The following GPS1 variants were observed in gnomAD, a reference collection of about 807,000 sequenced individuals.
GPS1 encodes the protein COP9 signalosome complex subunit 1.
In GPS1, 11 loss-of-function variants were observed where a neutral mutation model predicts 60.0. The ratio of observed to expected loss-of-function variants is 0.18; its 90% CI spans 0.12 to 0.30. GPS1 has a LOEUF of 0.30. Ranked by LOEUF, GPS1 falls within the 10% of genes least tolerant of loss-of-function variation. The pLI is 1.00. For missense variants in GPS1, 543 were observed against 669.2 expected (o/e 0.81, Z 2.08); for synonymous variants, 343 against 269.8 (o/e 1.27, Z -2.66).
In GPS1 at chr17:82,056,268, AG is replaced by A; in HGVS notation, c.930-14del. On this transcript the variant is annotated splice_polypyrimidine_tract_variant and intron_variant, in intron 8 of 12. Transcript: ENST00000578552. ...GGGGCAGGCAGAGGACAGAGTTCTG[AG>A]GGGTCTGCCTCACCAGCTCCTTCAA... 6.5e-7 allele frequency: 1 copy of A among 1,545,904 alleles called. No homozygotes were observed. Among genetic ancestry groups the A allele is most frequent in the Non-Finnish European group, 8.9e-7 (1 of 1,118,994 alleles).
intron 2 of GPS1, 102 bp downstream of exon 2, chr17:82,053,468 C>T (rs909403815): frequency 1.1e-5 from 9 of 840,344 alleles, no homozygotes; most frequent in Admixed American, 3.9e-5. Context: ...TGATCCTCCT[C>T]AGTGATCGCT....
At chr17:82,051,127 G>T, upstream of GPS1, 1 of 1,327,846 alleles carries the variant, frequency 7.5e-7, no homozygotes, top group South Asian at 2.3e-5. This position sits in a 1 kb window ranked among gnomAD's most constrained non-coding sequence, Gnocchi z 4.1. Context: ...TTGGCTGGCA[G>T]GGTGGGCCCT....
Position 82,054,065 on chromosome 17 carries a change from T to G in GPS1, c.308+16T>G. 6.3e-7 allele frequency: 1 copy of G among 1,597,368 alleles called. No individual in the cohort carries two copies. On this transcript the variant is annotated intron_variant, in intron 3 of 12. Coordinates refer to ENST00000578552, the MANE Select transcript of GPS1 (RefSeq NM_001321092.3). ...AGGCCACCAGGTGAGGCCAGGGGCT[T>G]GGCGAGAGGAAGCAGAGGCCACCAA... is the stretch of plus-strand genomic sequence containing the variant.
rs549707566 is a variant in GPS1 at position 82,052,097 on chromosome 17, G to A, written c.33+133G>A. ...CACGCTCCGTGCCGGGCCTCCGCGG[G>A]CAGCGCGCGTCGGGGGCTGCAGGGC... On this transcript the variant is annotated intron_variant, in intron 1 of 12. Transcript: ENST00000578552. 2.9e-4 allele frequency: 245 copies of A among 847,006 alleles called. 1 individual carries two copies. The African/African-American group carries it at 3.9e-3, about 14-fold the overall frequency. 52.5% of individuals were successfully genotyped at this position (847,006 alleles called of 1,614,324 possible). A position where few individuals can be genotyped will look rare whatever the true frequency, so the allele number is the denominator to read the frequency against.
Position 82,057,206 on chromosome 17 carries a change from T to C in GPS1, c.*79T>C. ...CTCGGACCTCCAGGCGGCTCAGTGC[T>C]GCCTGCGGCCCAGCTAAGGGGCCTG... On this transcript the variant is annotated 3_prime_UTR_variant, in exon 13 of 13. Transcript: ENST00000578552. 1 of 1,549,708 alleles carries C rather than the reference T, an allele frequency of 6.5e-7. No homozygotes were observed. Among genetic ancestry groups the C allele is most frequent in the Non-Finnish European group, 8.9e-7 (1 of 1,128,784 alleles).
chr17:82,054,069 G>T lies in GPS1; in HGVS notation c.308+20G>T, dbSNP rs377190570. The T allele has an allele frequency of 1.3e-6, 2 of 1,593,828 alleles. No homozygotes were observed. The highest frequency in any genetic ancestry group is 8.6e-7 in the Non-Finnish European group (1 of 1,168,354). Reference sequence around the variant, plus strand: ...CACCAGGTGAGGCCAGGGGCTTGGCGAGAGGAAGCAGAGGCCACCAAGGGA... The same window carrying T: ...CACCAGGTGAGGCCAGGGGCTTGGCTAGAGGAAGCAGAGGCCACCAAGGGA... On this transcript the variant is annotated intron_variant, in intron 3 of 12. Transcript: ENST00000578552.
chr17:82,052,700 A>G (rs1289058726), intron 1 of GPS1: 2 of 553,500 alleles, frequency 3.6e-6, no homozygotes, highest in African/African-American at 1.9e-5. Context: ...CGGCTTTTCC[A>G]GCCTGCTTTG....
chr17:82,051,296 C>T (rs905084494), upstream of GPS1: 1 of 1,414,432 alleles, frequency 7.1e-7, no homozygotes, highest in Non-Finnish European at 9.2e-7. This position sits in a 1 kb window ranked among gnomAD's most constrained non-coding sequence, Gnocchi z 4.1. Context: ...ACACTCACCG[C>T]CCTGGAGCTC....
At chr17:82,053,794 C>T in intron 2 of GPS1, 74 bp from the exon 3 acceptor site, 1 of 1,446,012 alleles carries the variant, frequency 6.9e-7, no homozygotes, top group Non-Finnish European at 9.4e-7. Flanking sequence ...CAGGCCCCAA[C>T]TCCTGACCCT....
In GPS1 at chr17:82,055,230, C is replaced by T. The variant is rs1264393474; in HGVS notation, c.748+8C>T. 2 of 1,551,894 alleles carry T rather than the reference C, an allele frequency of 1.3e-6. No individual in the cohort carries two copies. The highest frequency in any genetic ancestry group is 1.2e-5 in the South Asian group (1 of 84,182). ...AGCTCAAGTGTGCCGCAGGTGAGGG[C>T]CTGGGTCACGCCCAGCTGACCCCAC... On this transcript the variant is annotated splice_region_variant and intron_variant, in intron 6 of 12. Coordinates refer to ENST00000578552, the MANE Select transcript of GPS1 (RefSeq NM_001321092.3).
chr17:82,052,544 C>T, intron 1 of GPS1: 1 of 1,483,350 alleles, frequency 6.7e-7, no homozygotes, highest in Non-Finnish European at 9.1e-7. Flanking sequence ...CCCTGCTGCT[C>T]TGCTGGCCGA....
intron 8 of GPS1, 26 bp downstream of exon 8, chr17:82,056,121 G>A: frequency 6.4e-7 from 1 of 1,571,478 alleles, no homozygotes; most frequent in Non-Finnish European, 8.7e-7. Flanking sequence ...CTGCAGCCCT[G>A]AAGGCTGTCC....
At position 82,052,140 on chromosome 17, in the gene GPS1, C is replaced by T. The variant is rs558553707; in HGVS notation, c.33+176C>T. ...TGCAGGGCCGAGGGCGCGTCTCCGC[C>T]GTGGCTGCGCGCTGCGATCGGGGGC... On this transcript the variant is annotated intron_variant, in intron 1 of 12. Coordinates refer to ENST00000578552, the MANE Select transcript of GPS1 (RefSeq NM_001321092.3). 958 of 1,000,710 alleles carry T rather than the reference C, an allele frequency of 9.6e-4. 12 individuals are homozygous for T. The South Asian group carries it at 0.019, about 20-fold the overall frequency. 62.0% of individuals were successfully genotyped at this position (1,000,710 alleles called of 1,614,324 possible).
In GPS1 at chr17:82,056,339, A is replaced by G. The variant is rs1462209543; in HGVS notation, c.983A>G (p.Lys328Arg). 2 of 1,613,316 alleles carry G rather than the reference A, an allele frequency of 1.2e-6. No homozygotes were observed. The highest frequency in any genetic ancestry group is 1.7e-6 in the Non-Finnish European group (2 of 1,179,908). The change falls in exon 9 of 13, where the codon AAA (lysine) becomes AGA (arginine). Residue 328 changes from lysine to arginine, a missense_variant. Physicochemically the swap from Lys to Arg is conservative, Grantham distance 26. Transcript: ENST00000578552. ...LEPQVRDIIFKFYESKYASCL... is the reference protein window; with the variant it reads ...LEPQVRDIIFRFYESKYASCL... ...CCACAGGTCCGAGACATCATCTTCA[A>G]ATTCTACGAGTCCAAGTACGCCTCA...
chr17:82,057,054 C>T lies in GPS1; in HGVS notation c.1391C>T (p.Ser464Phe). 2 of 1,597,802 alleles carry T rather than the reference C, an allele frequency of 1.3e-6. No individual in the cohort carries two copies. The highest frequency in any genetic ancestry group is 1.7e-6 in the Non-Finnish European group (2 of 1,170,498). Reference sequence around the variant, plus strand: ...AGCTGCTCCTTGTCTCCCCTGCAGTCCCCGCCCAGAGAAGGGAGCCAGGGG... The same window carrying T: ...AGCTGCTCCTTGTCTCCCCTGCAGTTCCCGCCCAGAGAAGGGAGCCAGGGG... The part of the protein sequence containing the change: ...AVLRNQIHVK[S>F]PPREGSQGEL... The change falls in exon 13 of 13, where the codon TCC (serine) becomes TTC (phenylalanine). Residue 464 changes from serine (S) to phenylalanine (F), a missense_variant and splice_region_variant. Transcript: ENST00000578552.
intron 3 of GPS1, 169 bp downstream of exon 3, chr17:82,054,218 T>TGGCTTCTGTGTGTGTGC: frequency 6.4e-6 from 5 of 784,774 alleles, no homozygotes; most frequent in South Asian, 1.9e-5. Flanking sequence ...TGTGTGTGTG[T>TGGCTTCTGTGTGTGTGC]GGCTTCTGTG....
At chr17:82,051,250 CG>C (rs748681219), upstream of GPS1, 6 of 1,334,436 alleles carry the variant, frequency 4.5e-6, no homozygotes, top group East Asian at 2.9e-5. The surrounding 1 kb of genome is among the most constrained non-coding windows in gnomAD (Gnocchi z 4.1). Flanking sequence ...GAGAAAGGCT[CG>C]GGGGGCAGAT....
chr17:82,051,599 C>T (rs1476122190), upstream of GPS1: 2 of 1,288,240 alleles, frequency 1.6e-6, no homozygotes, highest in Non-Finnish European at 2.0e-6. This position sits in a 1 kb window ranked among gnomAD's most constrained non-coding sequence, Gnocchi z 4.1. Flanking sequence ...CGTCGTCAGG[C>T]CGCAGGCTGG....
intron 1 of GPS1, chr17:82,052,441 C>T (rs1693411891): frequency 6.2e-7 from 1 of 1,611,716 alleles, no homozygotes; most frequent in Admixed American, 1.7e-5. Context: ...GCCTGTCGGC[C>T]TGTACGCTGC....
Sources: gnomAD v4.1 joint callset for allele counts on GRCh38, gnomAD v4.1.1 for gene constraint, Gnocchi (gnomAD v3.1) non-coding constraint, MANE v1.5 for transcripts, NCBI Gene and HGNC (gene_info 2026-07-23, HGNC 2026-07-21) for gene names.